The following ELF4 variants were observed in gnomAD, a reference collection of about 807,000 sequenced individuals.
The protein encoded by ELF4 is E74 like ETS transcription factor 4.
Under a neutral mutation model 31.7 loss-of-function variants are expected in ELF4, and 10 were observed. That is an observed-to-expected ratio of 0.32 (90% CI 0.19 to 0.54). The LOEUF is 0.54. Ranked by LOEUF, ELF4 falls within the 20% of genes least tolerant of loss-of-function variation. The probability of loss-of-function intolerance (pLI) is 0.95; values close to 1 mark genes in which losing one functional copy is unlikely to be tolerated. For missense variants in ELF4, 418 were observed against 522.0 expected, an observed-to-expected ratio of 0.80 and a Z score of 1.94; for synonymous variants, 208 against 226.7, an observed-to-expected ratio of 0.92 and a Z score of 0.74.
chrX:130,109,991 C>G (rs34000221), intron 1 of ELF4, among the ~76,000 whole-genome samples: 26,359 of 112,100 alleles, frequency 0.24, 2,781 homozygotes, highest in East Asian at 0.45. Context: ...TCCGCCCCAC[C>G]TCCTCTGCCC....
intron 1 of ELF4, among the ~76,000 whole-genome samples, chrX:130,082,489 C>T (rs746663035): frequency 2.0e-4 from 22 of 112,207 alleles, no homozygotes; most frequent in African/African-American, 6.1e-4. Flanking sequence ...GGAACCTTCC[C>T]CATCCTCTGG....
Position 130,066,748 on chromosome X carries a change from G to T in ELF4, c.1965C>A (p.Leu655=). The T allele has an allele frequency of 8.3e-7, 1 of 1,210,426 alleles. No individual in the cohort carries two copies. Among genetic ancestry groups the T allele is most frequent in the South Asian group, 1.8e-5 (1 of 56,859 alleles). The part of the protein sequence containing the change: ...APFSPFNPTS[L]IKMEPHDI ...ATATGTCATGGGGCTCCATCTTAAT[G>T]AGGGAAGTAGGGTTGAATGGGGAGA... Residue 655 remains leucine, a synonymous_variant, in exon 9 of 9, where the codon CTC becomes CTA. Coordinates refer to ENST00000308167, the MANE Select transcript of ELF4 (RefSeq NM_001421.4).
At chrX:130,109,336 T>A (rs967833526) in intron 1 of ELF4, among the ~76,000 whole-genome samples, 1 of 112,704 alleles carries the variant, frequency 8.9e-6, no homozygotes, top group Non-Finnish European at 1.9e-5. Context: ...AATCGAGAAG[T>A]CCAAGGTTAA....
chrX:130,110,881 A>AG (rs1208511684), upstream of ELF4, among the ~76,000 whole-genome samples: 2 of 54 alleles, frequency 0.037, no homozygotes, highest in East Asian at 0.33. Flanking sequence ...AGCGAGCGAA[A>AG]GGGGAAATGC....
At position 130,071,188 on chromosome X, in the gene ELF4, C is replaced by T. The variant is rs1321043291; in HGVS notation, c.661G>A (p.Asp221Asn). 1 of 1,210,126 alleles carries T rather than the reference C, an allele frequency of 8.3e-7. No individual in the cohort carries two copies. The highest frequency in any genetic ancestry group is 1.7e-5 in the African/African-American group (1 of 57,235). ...LWEFLLALLQ[D>N]RNTCPKYIKW... ...ATGTACTTGGGACAGGTGTTTCTGT[C>T]TTGCAGAAGAGCCAGGAGGAACTCC... is the stretch of plus-strand genomic sequence containing the variant. The change falls in exon 7 of 9, where the codon GAC becomes AAC. Residue 221 changes from aspartate to asparagine, a missense_variant. Around this residue, in one of 4 missense-constraint regions of ELF4, gnomAD observed 35 missense variants for 84.0 expected, o/e 0.42. Coordinates refer to ENST00000308167, the MANE Select transcript of ELF4 (RefSeq NM_001421.4).
At chrX:130,094,626 C>T (rs768865525) in intron 1 of ELF4, among the ~76,000 whole-genome samples, 21 of 110,107 alleles carry the variant, frequency 1.9e-4, no homozygotes, top group Non-Finnish European at 3.4e-4. Flanking sequence ...CCCTCTCACT[C>T]TATGTCCCCC....
rs770716185 is a variant in ELF4 at position 130,065,380 on chromosome X, AAG to A, written c.*1339_*1340del. On this transcript the variant is annotated 3_prime_UTR_variant, in exon 9 of 9. Coordinates refer to ENST00000308167, the MANE Select transcript of ELF4 (RefSeq NM_001421.4). ...GGGAAGGGGGAAGCAGGGAGCCACG[AAG>A]AGAGAGAGGTGCCACGGGAACTCCT... is the stretch of plus-strand genomic sequence containing the variant. The A allele has an allele frequency of 5.8e-3, 1,007 of 173,667 alleles. 2 individuals carry two copies. Among genetic ancestry groups the A allele is most frequent in the Non-Finnish European group, 8.1e-3 (739 of 91,218 alleles). The allele number at this position is 173,667 out of a possible 1,213,427, so 14.3% of individuals were successfully genotyped here.
intron 1 of ELF4, among the ~76,000 whole-genome samples, chrX:130,092,392 G>A (rs2124628685): frequency 8.9e-6 from 1 of 112,908 alleles, no homozygotes; most frequent in South Asian, 3.6e-4. Context: ...TGAGTGGGGA[G>A]GATCCCTCAC....
At chrX:130,088,137 A>G (rs1040211844) in intron 1 of ELF4, among the ~76,000 whole-genome samples, 5 of 111,452 alleles carry the variant, frequency 4.5e-5, no homozygotes, top group Non-Finnish European at 7.5e-5. Flanking sequence ...CTGAGGCAGG[A>G]GAATCACTTG....
chrX:130,071,963 C>A (rs1468949599), intron 5 of ELF4, among the ~76,000 whole-genome samples: 1 of 112,412 alleles, frequency 8.9e-6, no homozygotes, highest in Non-Finnish European at 1.9e-5. Flanking sequence ...TGTCCAAACT[C>A]CCAGCCTAGG....
At chrX:130,083,941 G>A (rs182945383) in intron 1 of ELF4, among the ~76,000 whole-genome samples, 14 of 111,567 alleles carry the variant, frequency 1.3e-4, no homozygotes, top group Admixed American at 1.9e-4. Context: ...TCTGTATACG[G>A]TGGATGCGGG....
rs773641555 is a variant in ELF4 at position 130,083,832 on chromosome X, C to CTGGATGGATGGATGGA, written c.-209-2309_-209-2294dup. Among the ~76,000 whole-genome samples the CTGGATGGATGGATGGA allele has an allele frequency of 2.8e-4, 29 of 103,229 alleles. No homozygotes were observed. The East Asian group carries it at 3.3e-3, about 12-fold the overall frequency. The allele number at this position is 103,229 out of a possible 115,157, so 89.6% of individuals were successfully genotyped here. A position where few individuals can be genotyped will look rare whatever the true frequency, so the allele number is the denominator to read the frequency against. Reference sequence around the variant, plus strand: ...GGTGGGTGGATGGCTGGATGGATGGCTGGATGGATGGATGGATGGATGGAT... The same window carrying CTGGATGGATGGATGGA: ...GGTGGGTGGATGGCTGGATGGATGGCTGGATGGATGGATGGATGGATGGATGGATGGATGGATGGAT... On this transcript the variant is annotated intron_variant, in intron 1 of 8. Coordinates refer to ENST00000308167, the MANE Select transcript of ELF4 (RefSeq NM_001421.4).
At chrX:130,074,821 C>G in intron 2 of ELF4, 69 bp from the exon 3 acceptor site, 2 of 1,143,860 alleles carry the variant, frequency 1.7e-6, no homozygotes, top group Non-Finnish European at 2.4e-6. Flanking sequence ...CTACCAGAAT[C>G]TGGCCCTCTG....
intron 1 of ELF4, among the ~76,000 whole-genome samples, chrX:130,095,515 C>G (rs1232257370): frequency 8.9e-6 from 1 of 111,768 alleles, no homozygotes; most frequent in East Asian, 2.8e-4. Flanking sequence ...TGGCTCACAG[C>G]TCTCCACTTC....
At chrX:130,079,458 C>G (rs1932867045) in intron 2 of ELF4, among the ~76,000 whole-genome samples, 1 of 110,472 alleles carries the variant, frequency 9.1e-6, no homozygotes, top group African/African-American at 3.3e-5. Flanking sequence ...AACTCCATCT[C>G]AAAAAATAAA....
At chrX:130,102,065 G>A (rs1024510280) in intron 1 of ELF4, among the ~76,000 whole-genome samples, 1 of 112,013 alleles carries the variant, frequency 8.9e-6, no homozygotes, top group Non-Finnish European at 1.9e-5. Context: ...AGAATTGCTT[G>A]AACCCAGGAA....
At chrX:130,081,126 T>G in intron 2 of ELF4, 130 bp downstream of exon 2, 2 of 795,270 alleles carry the variant, frequency 2.5e-6, no homozygotes, top group Non-Finnish European at 3.8e-6. Flanking sequence ...CTGAGCATAG[T>G]AGGTGCTTGA....
chrX:130,086,874 G>A (rs777258958), intron 1 of ELF4, among the ~76,000 whole-genome samples: 18 of 112,020 alleles, frequency 1.6e-4, no homozygotes, highest in Non-Finnish European at 3.0e-4. Flanking sequence ...CAGTTGTTGG[G>A]TGGCAAGGGG....
In ELF4 at chrX:130,069,486, A is replaced by G. The variant is rs1932759463; in HGVS notation, c.1001T>C (p.Val334Ala). ...GCCCTGGGGGGCAGATCTGGATGAG[A>G]CCCTGGAGCTGGTTCGCCGGGTGGT... ...ASTTRRTSSR[V>A]SSRSAPQGKG... Residue 334 changes from valine (V) to alanine (A), a missense_variant, in exon 8 of 9, where the codon GTC (valine) becomes GCC (alanine). Val to Ala is a moderately conservative substitution (Grantham distance 64). Transcript: ENST00000308167. 1 of 1,212,092 alleles carries G rather than the reference A, an allele frequency of 8.3e-7. No individual in the cohort carries two copies. Among genetic ancestry groups the G allele is most frequent in the South Asian group, 1.8e-5 (1 of 57,050 alleles).
Sources: gnomAD v4.1 joint callset for allele counts (sites outside exome capture counted in the v4.1 genomes callset) on GRCh38, gnomAD v4.1.1 for gene constraint, gnomAD v4.1.1 regional missense constraint, MANE v1.5 for transcripts, NCBI Gene and HGNC (gene_info 2026-07-23, HGNC 2026-07-21) for gene names.